The following RNF121 variants were observed in gnomAD, a reference collection of about 807,000 sequenced individuals.
RNF121 encodes E3 ubiquitin ligase RNF121.
Under a neutral mutation model 46.5 loss-of-function variants are expected in RNF121, and 21 were observed. That is an observed-to-expected ratio of 0.45 (90% CI 0.32 to 0.65). The LOEUF (loss-of-function observed/expected upper bound fraction) is 0.65, where lower values mean the gene tolerates loss of function less well. Ranked by LOEUF, RNF121 falls within the 30% of genes least tolerant of loss-of-function variation. The probability of loss-of-function intolerance (pLI) is 0.04; values close to 1 mark genes in which losing one functional copy is unlikely to be tolerated. For missense variants in RNF121, 346 were observed against 416.0 expected, an observed-to-expected ratio of 0.83 and a Z score of 1.46; for synonymous variants, 139 against 144.7, an observed-to-expected ratio of 0.96 and a Z score of 0.28.
chr11:71,947,324 C>T (rs970185425), intron 1 of RNF121, among the ~76,000 whole-genome samples: 1 of 151,872 alleles, frequency 6.6e-6, no homozygotes, highest in African/African-American at 2.4e-5. Flanking sequence ...CTCATCTTTA[C>T]AGAAAATAAC....
At chr11:71,929,989 T>C (rs993862085) in intron 1 of RNF121, among the ~76,000 whole-genome samples, 18 of 152,212 alleles carry the variant, frequency 1.2e-4, no homozygotes, top group Non-Finnish European at 1.8e-4. Context: ...GGTGAGCTCC[T>C]TGAGATTGTA....
chr11:71,987,241 G>A (rs933611174), intron 5 of RNF121, 130 bp downstream of exon 5: 1 of 637,964 alleles, frequency 1.6e-6, no homozygotes, highest in Non-Finnish European at 2.8e-6. Flanking sequence ...TGGGTGCTGT[G>A]GGGGGATGGG....
chr11:71,986,652 C>A (rs1954776658), intron 4 of RNF121, among the ~76,000 whole-genome samples: 1 of 151,650 alleles, frequency 6.6e-6, no homozygotes, highest in Non-Finnish European at 1.5e-5. Context: ...ACCTGTGGTC[C>A]CAGCTACTCA....
intron 1 of RNF121, among the ~76,000 whole-genome samples, chr11:71,938,509 T>C (rs1247647760): frequency 6.6e-6 from 1 of 151,830 alleles, no homozygotes; most frequent in East Asian, 1.9e-4. Context: ...AGTAGAGACG[T>C]GGTTTCTCCA....
intron 3 of RNF121, among the ~76,000 whole-genome samples, chr11:71,971,138 C>T (rs1288839499): frequency 6.6e-6 from 1 of 152,076 alleles, no homozygotes; most frequent in Non-Finnish European, 1.5e-5. Flanking sequence ...AATCCCGGCA[C>T]TTTGGGAGGC....
rs11315989 is a variant in RNF121 at position 71,986,769 on chromosome 11, CAAAAAAAAA to C, written c.399-223_399-215del. Among the ~76,000 whole-genome samples, 79 of 71,982 alleles carry C rather than the reference CAAAAAAAAA, an allele frequency of 1.1e-3. 3 individuals carry two copies. The highest frequency in any genetic ancestry group is 6.2e-3 in the Admixed American group (40 of 6,440). 47.2% of individuals were successfully genotyped at this position (71,982 alleles called of 152,430 possible). On this transcript the variant is annotated intron_variant, in intron 4 of 8. Coordinates refer to ENST00000361756, the MANE Select transcript of RNF121 (RefSeq NM_018320.5). The stretch of plus-strand genomic sequence containing the variant: ...GGGTGACAGAGCGAGACTCTCATCT[CAAAAAAAAA>C]AAAAAAAAAAAGAAAAAAAATACAA...
intron 1 of RNF121, among the ~76,000 whole-genome samples, chr11:71,947,248 C>T (rs1007717525): frequency 1.4e-4 from 21 of 152,138 alleles, no homozygotes; most frequent in Middle Eastern, 6.8e-3. Flanking sequence ...TGGCTCACAC[C>T]TGTAATCCGA....
At chr11:71,932,745 C>T (rs1398521311) in intron 1 of RNF121, among the ~76,000 whole-genome samples, 4 of 152,102 alleles carry the variant, frequency 2.6e-5, no homozygotes, top group Non-Finnish European at 5.9e-5. Context: ...TTTTAAAGAC[C>T]CAAACTCTTT....
chr11:71,929,792 G>A (rs750908578), intron 1 of RNF121, among the ~76,000 whole-genome samples: 35 of 152,186 alleles, frequency 2.3e-4, no homozygotes, highest in Non-Finnish European at 4.9e-4. Flanking sequence ...GGGCCCCTCC[G>A]TTGAAGAGCC....
chr11:71,960,180 G>T (rs1353321953), intron 2 of RNF121, among the ~76,000 whole-genome samples: 3 of 152,154 alleles, frequency 2.0e-5, no homozygotes, highest in Non-Finnish European at 4.4e-5. Context: ...GTCACTGTTG[G>T]ATTAGTATAA....
At chr11:71,944,801 A>G (rs2885880) in intron 1 of RNF121, among the ~76,000 whole-genome samples, 123,449 of 152,134 alleles carry the variant, frequency 0.81, 52,148 homozygotes, top group Non-Finnish European at 0.94. Flanking sequence ...AAAAGATAGT[A>G]GATATATTTC....
At chr11:71,965,225 C>G (rs1954247172) in intron 3 of RNF121, among the ~76,000 whole-genome samples, 1 of 151,244 alleles carries the variant, frequency 6.6e-6, no homozygotes, top group Admixed American at 6.6e-5. Flanking sequence ...GTGGGTATAT[C>G]ATCCTCTTAA....
chr11:71,949,411 C>T (rs1469398461), intron 1 of RNF121, among the ~76,000 whole-genome samples: 1 of 152,064 alleles, frequency 6.6e-6, no homozygotes, highest in Non-Finnish European at 1.5e-5. Flanking sequence ...GAGTGAGACC[C>T]TGTCTCAAAA....
At chr11:71,962,917 A>T (rs531190768) in intron 3 of RNF121, among the ~76,000 whole-genome samples, 2 of 152,102 alleles carry the variant, frequency 1.3e-5, no homozygotes, top group South Asian at 4.2e-4. Context: ...ACTTTAGTGG[A>T]TGTAGATGTC....
Position 71,934,938 on chromosome 11 carries a change from A to ACTTTTT in RNF121, c.63+5814_63+5815insCTTTTT, listed in dbSNP as rs780793577. Among the ~76,000 whole-genome samples the ACTTTTT allele has an allele frequency of 1.4e-5, 2 of 145,100 alleles. 1 individual carries two copies. Among genetic ancestry groups the ACTTTTT allele is most frequent in the Non-Finnish European group, 3.0e-5 (2 of 67,046 alleles). On this transcript the variant is annotated intron_variant, in intron 1 of 8. Transcript: ENST00000361756. ...GTCCTGTGCCAAGTGTTCCAAATGC[A>ACTTTTT]TTCTTTTTTTTTTTTTTTTTTTTTA...
At chr11:71,982,199 G>A (rs1277971035) in intron 3 of RNF121, among the ~76,000 whole-genome samples, 1 of 152,012 alleles carries the variant, frequency 6.6e-6, no homozygotes, top group African/African-American at 2.4e-5. Context: ...AGCCACACGT[G>A]GTGGCACGCG....
intron 3 of RNF121, among the ~76,000 whole-genome samples, chr11:71,981,082 T>C (rs1238336687): frequency 6.6e-6 from 1 of 152,010 alleles, no homozygotes; most frequent in African/African-American, 2.4e-5. Flanking sequence ...GGAGTCTTGC[T>C]CTGTCACCCA....
At chr11:71,932,324 G>T (rs1226380626) in intron 1 of RNF121, among the ~76,000 whole-genome samples, 48 of 152,198 alleles carry the variant, frequency 3.2e-4, no homozygotes, top group Admixed American at 3.1e-3. Flanking sequence ...TGAAACTGAG[G>T]CTAGAGAGGC....
At chr11:71,936,615 C>T (rs60840528) in intron 1 of RNF121, among the ~76,000 whole-genome samples, 3,990 of 152,158 alleles carry the variant, frequency 0.026, 164 homozygotes, top group African/African-American at 0.091. Context: ...AGGATGGTCT[C>T]GATCTCCTGA....
Sources: allele counts gnomAD v4.1 joint callset (sites outside exome capture counted in the v4.1 genomes callset), GRCh38; gene constraint gnomAD v4.1.1; transcripts MANE v1.5; gene names NCBI Gene and HGNC (gene_info 2026-07-23, HGNC 2026-07-21).